Variants in SNX30 observed in about 807,000 individuals in gnomAD.
SNX30 encodes the protein sorting nexin family member 30.
A neutral mutation model predicts 46.4 loss-of-function variants in SNX30; 24 were observed. The observed-to-expected ratio is 0.52, with a 90% CI of 0.37 to 0.73. The LOEUF is 0.73. SNX30 is among the 30% of genes least tolerant of loss of function. The probability of loss-of-function intolerance (pLI) is 0.00; values close to 1 mark genes in which losing one functional copy is unlikely to be tolerated. For missense variants in SNX30, 533 were observed against 555.7 expected, an observed-to-expected ratio of 0.96 and a Z score of 0.41; for synonymous variants, 189 against 211.5, an observed-to-expected ratio of 0.89 and a Z score of 0.92.
intron 5 of SNX30, 57 bp downstream of exon 5, chr9:112,836,466 A>G: frequency 2.0e-6 from 3 of 1,536,788 alleles, no homozygotes; most frequent in Non-Finnish European, 2.7e-6. Flanking sequence ...CAGAAATGCC[A>G]TTCATGTGTG....
intron 7 of SNX30, 102 bp downstream of exon 7, chr9:112,851,047 C>CACTAAGAGT (rs1841016280): frequency 1.3e-6 from 1 of 790,910 alleles, no homozygotes; most frequent in East Asian, 2.6e-5. Context: ...TGGTCAGTGC[C>CACTAAGAGT]GGCTGGGCTA....
At chr9:112,825,572 A>G (rs1000876054) in intron 3 of SNX30, among the ~76,000 whole-genome samples, 1 of 152,068 alleles carries the variant, frequency 6.6e-6, no homozygotes, top group Non-Finnish European at 1.5e-5. Flanking sequence ...AGGATTATAG[A>G]CATGAGCCAC....
rs1343328583 is a variant in SNX30, at chr9:112,874,944, A to G, written c.*6101A>G. On this transcript the variant is annotated 3_prime_UTR_variant, in exon 9 of 9. Transcript: ENST00000374232. ...GTAAATTTAAAGTTTCTTTACTTCA[A>G]TTAACTTAAAGGACCAATAAACCCA... The G allele has an allele frequency of 1.3e-5, 2 of 152,150 alleles. No individual in the cohort carries two copies. The highest frequency in any genetic ancestry group is 4.8e-5 in the African/African-American group (2 of 41,434). 9.4% of individuals were successfully genotyped at this position (152,150 alleles called of 1,614,324 possible). A position where few individuals can be genotyped will look rare whatever the true frequency, so the allele number is the denominator to read the frequency against.
At chr9:112,770,199 TCTCA>T (rs1219119560) in intron 1 of SNX30, among the ~76,000 whole-genome samples, 1 of 152,086 alleles carries the variant, frequency 6.6e-6, no homozygotes, top group Non-Finnish European at 1.5e-5. Flanking sequence ...TGAGATGGAG[TCTCA>T]CTCTGTTGGC....
rs529663794 is a variant in SNX30 at position 112,772,303 on chromosome 9, C to T, written c.156+21146C>T. On this transcript the variant is annotated intron_variant, in intron 1 of 8. Coordinates refer to ENST00000374232, the MANE Select transcript of SNX30 (RefSeq NM_001012994.2). ...GGCTCTGTTGGGGATTAGACTGACA[C>T]CTCTTTGTAAGAGGATGCAGTTGAG... Among the ~76,000 whole-genome samples the T allele has an allele frequency of 5.9e-5, 9 of 152,332 alleles. No individual in the cohort carries two copies. The South Asian group carries it at 6.2e-4, about 11-fold the overall frequency.
downstream of SNX30, chr9:112,875,282 G>A (rs1293402275): frequency 3.3e-5 from 5 of 152,196 alleles, no homozygotes; most frequent in African/African-American, 9.6e-5. Flanking sequence ...CAGGCCGACA[G>A]CCAGCTGAGG....
chr9:112,853,580 G>A (rs1175356802), intron 7 of SNX30, among the ~76,000 whole-genome samples: 1 of 152,240 alleles, frequency 6.6e-6, no homozygotes, highest in African/African-American at 2.4e-5. Context: ...TTAAAAGTTT[G>A]CATTTAGCCA....
upstream of SNX30, chr9:112,750,389 A>T (rs1203042755): frequency 1.3e-5 from 2 of 152,220 alleles, no homozygotes; most frequent in East Asian, 1.9e-4. Flanking sequence ...CTTAGAGGCC[A>T]GAAGACCCTG....
intron 1 of SNX30, among the ~76,000 whole-genome samples, chr9:112,766,087 C>T (rs1306528126): frequency 6.6e-6 from 1 of 152,178 alleles, no homozygotes; most frequent in African/African-American, 2.4e-5. Context: ...CGGGTGTGAG[C>T]CACCACGCCC....
intron 7 of SNX30, among the ~76,000 whole-genome samples, chr9:112,862,444 T>C (rs1841253887): frequency 6.6e-6 from 1 of 152,152 alleles, no homozygotes; most frequent in African/African-American, 2.4e-5. Context: ...CCAGAGACAC[T>C]GGCTCGCTGG....
rs1840807750 is a variant in SNX30 at position 112,838,706 on chromosome 9, G to A, written c.1014+9G>A. The A allele has an allele frequency of 6.2e-7, 1 of 1,612,554 alleles. No individual in the cohort carries two copies. Among genetic ancestry groups the A allele is most frequent in the Non-Finnish European group, 8.5e-7 (1 of 1,179,080 alleles). ...ACTCTGACTCCATGAAGGTAAGCTG[G>A]CTTGCTTCTTGTGTATTTGCATACT... On this transcript the variant is annotated intron_variant, in intron 6 of 8. Transcript: ENST00000374232.
intron 1 of SNX30, among the ~76,000 whole-genome samples, chr9:112,790,732 C>G (rs1008480474): frequency 1.3e-5 from 2 of 152,222 alleles, no homozygotes; most frequent in Admixed American, 1.3e-4. Context: ...TCTTTGTCCT[C>G]CACTTCTTTC....
At chr9:112,813,627 C>G (rs906436108) in intron 2 of SNX30, among the ~76,000 whole-genome samples, 10 of 152,058 alleles carry the variant, frequency 6.6e-5, no homozygotes, top group African/African-American at 2.4e-4. Context: ...GTATGCACCA[C>G]CATGCCTGGC....
chr9:112,828,876 G>A (rs1190157874), intron 3 of SNX30, among the ~76,000 whole-genome samples: 1 of 151,982 alleles, frequency 6.6e-6, no homozygotes, highest in Non-Finnish European at 1.5e-5. Flanking sequence ...AATCACCCTG[G>A]AAGGAAACCC....
At chr9:112,765,329 A>G (rs558413468) in intron 1 of SNX30, among the ~76,000 whole-genome samples, 50 of 152,390 alleles carry the variant, frequency 3.3e-4, no homozygotes, top group South Asian at 8.3e-4. Flanking sequence ...ACCCTTTTAA[A>G]GCATACATTT....
intron 2 of SNX30, among the ~76,000 whole-genome samples, chr9:112,806,942 A>C (rs539684314): frequency 3.8e-4 from 57 of 148,680 alleles, no homozygotes; most frequent in Middle Eastern, 3.6e-3. Context: ...TGTCTAGCTT[A>C]CTCTTTCAAT....
rs1331261000 is a variant in SNX30 at position 112,828,595 on chromosome 9, A to T, written c.460-2130A>T. Among the ~76,000 whole-genome samples the T allele has an allele frequency of 2.6e-5, 4 of 152,170 alleles. No individual in the cohort carries two copies. In the East Asian group the frequency reaches 5.8e-4, roughly 22 times the overall value. On this transcript the variant is annotated intron_variant, in intron 3 of 8. Transcript: ENST00000374232. ...GGGAGCAATGACCAAAAAGTTGAGGATTGTTAATTCCTTCATGGGGGCAGG... is the reference window on the plus strand; with the variant it reads ...GGGAGCAATGACCAAAAAGTTGAGGTTTGTTAATTCCTTCATGGGGGCAGG...
chr9:112,854,262 C>T (rs999297927), intron 7 of SNX30, among the ~76,000 whole-genome samples: 6 of 152,218 alleles, frequency 3.9e-5, no homozygotes, highest in African/African-American at 7.2e-5. Context: ...GGTTTTGTGC[C>T]CTCAGACCCC....
chr9:112,827,523 C>T (rs1840595033), intron 3 of SNX30, among the ~76,000 whole-genome samples: 1 of 152,030 alleles, frequency 6.6e-6, no homozygotes, highest in South Asian at 2.1e-4. Flanking sequence ...ACTTCTTTTC[C>T]AGGGGGTGGG....
Sources: gnomAD v4.1 joint callset for allele counts (sites outside exome capture counted in the v4.1 genomes callset) on GRCh38, gnomAD v4.1.1 for gene constraint, MANE v1.5 for transcripts, NCBI Gene and HGNC (gene_info 2026-07-23, HGNC 2026-07-21) for gene names.